RELN: variants seen among roughly 807,000 people sequenced by gnomAD.
RELN encodes the protein reelin.
Under a neutral mutation model 427.6 loss-of-function variants are expected in RELN, and 108 were observed. The ratio of observed to expected loss-of-function variants is 0.25; its 90% CI spans 0.22 to 0.30. The LOEUF (loss-of-function observed/expected upper bound fraction) is 0.30. Ranked by LOEUF, RELN falls within the 10% of genes least tolerant of loss-of-function variation. The pLI is 1.00. For synonymous variants in RELN, 1,524 were observed against 1,513.4 expected (o/e 1.01, Z -0.16); for missense variants, 3,715 against 4,302.8 (o/e 0.86, Z 3.82).
intron 6 of RELN, among the ~76,000 whole-genome samples, chr7:103,744,413 C>A (rs948343086): frequency 6.6e-6 from 1 of 151,996 alleles, no homozygotes; most frequent in Non-Finnish European, 1.5e-5. Flanking sequence ...TAACTAAAAT[C>A]AGAGCAGAAC....
chr7:103,506,008 CAATGA>C (rs1829197506), intron 51 of RELN, among the ~76,000 whole-genome samples: 1 of 152,014 alleles, frequency 6.6e-6, no homozygotes, highest in African/African-American at 2.4e-5. Context: ...AAGATCAAAT[CAATGA>C]AATAAAGTGG....
intron 15 of RELN, among the ~76,000 whole-genome samples, 174 bp from the exon 16 acceptor site, chr7:103,650,557 A>C (rs1310261220): frequency 6.6e-6 from 1 of 152,136 alleles, no homozygotes; most frequent in Non-Finnish European, 1.5e-5. Flanking sequence ...CAGACATACA[A>C]TTTGTAAAAA....
chr7:103,680,347 G>A (rs1833626112), intron 11 of RELN, among the ~76,000 whole-genome samples: 1 of 152,040 alleles, frequency 6.6e-6, no homozygotes, highest in Admixed American at 6.6e-5. Context: ...AGTCCCCAGG[G>A]GCTCTGGGAC....
At chr7:103,821,655 C>G (rs975193224) in intron 3 of RELN, among the ~76,000 whole-genome samples, 48 of 152,196 alleles carry the variant, frequency 3.2e-4, no homozygotes, top group African/African-American at 1.2e-3. Context: ...TTAATGCCTG[C>G]AGGAGGATTT....
At chr7:103,608,617 T>C (rs1831873953) in intron 22 of RELN, among the ~76,000 whole-genome samples, 1 of 152,182 alleles carries the variant, frequency 6.6e-6, no homozygotes, top group Non-Finnish European at 1.5e-5. Context: ...TTCTGTTTAA[T>C]TCCCCAATGT....
chr7:103,623,491 C>T (rs1286188519), intron 20 of RELN, among the ~76,000 whole-genome samples: 1 of 151,980 alleles, frequency 6.6e-6, no homozygotes, highest in Non-Finnish European at 1.5e-5. Flanking sequence ...AATTTTTTTC[C>T]TTGTAAACCA....
intron 25 of RELN, among the ~76,000 whole-genome samples, chr7:103,595,047 T>C (rs1424562631): frequency 6.6e-5 from 10 of 152,182 alleles, no homozygotes; most frequent in African/African-American, 1.9e-4. Flanking sequence ...AACTTAACAT[T>C]ACATCATAAG....
At chr7:103,712,214 G>A (rs1175754030) in intron 8 of RELN, among the ~76,000 whole-genome samples, 2 of 152,160 alleles carry the variant, frequency 1.3e-5, no homozygotes, top group African/African-American at 4.8e-5. Context: ...TCAAAATTCT[G>A]CTCATTGTGC....
At chr7:103,686,831 G>C (rs1370114040) in intron 10 of RELN, among the ~76,000 whole-genome samples, 1 of 152,030 alleles carries the variant, frequency 6.6e-6, no homozygotes, top group African/African-American at 2.4e-5. Context: ...ACTTAAAATA[G>C]AAAGAGAACG....
At chr7:103,769,765 T>C (rs1370237621) in intron 4 of RELN, among the ~76,000 whole-genome samples, 2 of 152,246 alleles carry the variant, frequency 1.3e-5, no homozygotes, top group African/African-American at 4.8e-5. Context: ...CAGACAAGGC[T>C]ACTCTGTGAC....
At chr7:103,942,690 G>A (rs1045714047) in intron 1 of RELN, among the ~76,000 whole-genome samples, 3 of 152,126 alleles carry the variant, frequency 2.0e-5, no homozygotes, top group African/African-American at 7.2e-5. Flanking sequence ...AAGGCAGGAG[G>A]ATCACAAGGT....
Position 103,843,696 on chromosome 7 carries a change from C to A in RELN, c.338-10024G>T, listed in dbSNP as rs563428335. Among the ~76,000 whole-genome samples the A allele has an allele frequency of 4.1e-4, 62 of 152,262 alleles. 1 individual carries two copies. Among genetic ancestry groups the A allele is most frequent in the South Asian group, 1.5e-3 (7 of 4,816 alleles). ...GGTAGACACATCTCTGAGTTAGATA[C>A]AGATATGAGTGAGACATTTCTAAGT... On this transcript the variant is annotated intron_variant, in intron 2 of 64. Coordinates refer to ENST00000428762, the MANE Select transcript of RELN (RefSeq NM_005045.4).
chr7:103,792,315 C>T (rs1162658853), intron 3 of RELN, among the ~76,000 whole-genome samples: 4 of 152,018 alleles, frequency 2.6e-5, no homozygotes, highest in African/African-American at 7.2e-5. Context: ...TGGAAACAAC[C>T]TAAATGTCTG....
At chr7:103,935,742 T>C (rs1238378022) in intron 1 of RELN, among the ~76,000 whole-genome samples, 3 of 152,198 alleles carry the variant, frequency 2.0e-5, no homozygotes, top group East Asian at 1.9e-4. Context: ...TTATGTAACA[T>C]ACTTATTGAG....
chr7:103,753,293 T>C (rs1791053880), intron 4 of RELN, 79 bp from the exon 5 acceptor site: 9 of 1,458,652 alleles, frequency 6.2e-6, no homozygotes, highest in African/African-American at 1.4e-5. Flanking sequence ...CACAACACAG[T>C]TATAAAACTT....
At chr7:103,916,387 T>G (rs1215658790) in intron 2 of RELN, among the ~76,000 whole-genome samples, 1 of 152,214 alleles carries the variant, frequency 6.6e-6, no homozygotes, top group Admixed American at 6.5e-5. Context: ...ATATCCTACA[T>G]AAACTGATAT....
Position 103,763,823 on chromosome 7 carries a change from T to C in RELN, c.545-10609A>G, listed in dbSNP as rs188792951. ...GGAAGTCCTGAAATCCAGGCTGAAC[T>C]GGGGGGAAACAGAGGGCAGTTATAG... On this transcript the variant is annotated intron_variant, in intron 4 of 64. Transcript: ENST00000428762. Among the ~76,000 whole-genome samples, 213 of 151,960 alleles carry C rather than the reference T, an allele frequency of 1.4e-3. 2 individuals carry two copies. The South Asian group carries it at 0.023, about 16-fold the overall frequency.
chr7:103,957,572 G>A (rs747905203), intron 1 of RELN, among the ~76,000 whole-genome samples: 5 of 152,046 alleles, frequency 3.3e-5, no homozygotes, highest in African/African-American at 4.8e-5. Flanking sequence ...CTGGTCACAC[G>A]CACATGCTCA....
chr7:103,989,123 G>A lies in RELN; in HGVS notation c.226+8C>T, dbSNP rs369454305. 13 of 1,612,646 alleles carry A rather than the reference G, an allele frequency of 8.1e-6. No homozygotes were observed. The highest frequency in any genetic ancestry group is 6.7e-5 in the Admixed American group (4 of 60,024). On this transcript the variant is annotated splice_region_variant and intron_variant, in intron 1 of 64. Coordinates refer to ENST00000428762, the MANE Select transcript of RELN (RefSeq NM_005045.4). This position sits in a 1 kb window ranked among gnomAD's most constrained non-coding sequence, Gnocchi z 4.9. Reference sequence around the variant, plus strand: ...CGGCGGCGAGCGCGGAGGTGCTGCGGTACCTACCATGGTATTCTTGTCCCG... The same window carrying A: ...CGGCGGCGAGCGCGGAGGTGCTGCGATACCTACCATGGTATTCTTGTCCCG...
Sources: gnomAD v4.1 joint callset for allele counts (sites outside exome capture counted in the v4.1 genomes callset) on GRCh38, gnomAD v4.1.1 for gene constraint, Gnocchi (gnomAD v3.1) non-coding constraint, MANE v1.5 for transcripts, NCBI Gene and HGNC (gene_info 2026-07-23, HGNC 2026-07-21) for gene names.